Variants in EBF1 observed in about 807,000 individuals in gnomAD.
EBF1 encodes the protein transcription factor COE1.
EBF1 carries 10 observed loss-of-function variants against 68.4 expected under a neutral mutation model. The observed-to-expected ratio is 0.15, with a 90% CI of 0.09 to 0.25. The LOEUF (loss-of-function observed/expected upper bound fraction) is 0.25, where lower values mean the gene tolerates loss of function less well. EBF1 is among the 10% of genes least tolerant of loss of function. The probability of loss-of-function intolerance (pLI) is 1.00; values close to 1 mark genes in which losing one functional copy is unlikely to be tolerated. For synonymous variants in EBF1, 298 were observed against 299.8 expected (o/e 0.99, Z 0.06); for missense variants, 509 against 794.4 (o/e 0.64, Z 4.32).
At chr5:159,055,649 A>G (rs1774604222) in intron 6 of EBF1, among the ~76,000 whole-genome samples, 1 of 152,224 alleles carries the variant, frequency 6.6e-6, no homozygotes, top group Admixed American at 6.5e-5. Flanking sequence ...GAATTAACCT[A>G]CACTAAATCT....
chr5:158,800,368 T>A (rs1298593921), intron 8 of EBF1, among the ~76,000 whole-genome samples: 1 of 152,146 alleles, frequency 6.6e-6, no homozygotes, highest in Non-Finnish European at 1.5e-5. Context: ...TATGTATAAC[T>A]GTCCCCAGCA....
At chr5:158,971,234 G>A (rs1022361878) in intron 6 of EBF1, among the ~76,000 whole-genome samples, 7 of 152,222 alleles carry the variant, frequency 4.6e-5, no homozygotes, top group South Asian at 2.1e-4. Flanking sequence ...TAGAAAGCAC[G>A]TGGATGATGA....
At chr5:158,715,521 G>A (rs1311424997) in intron 11 of EBF1, among the ~76,000 whole-genome samples, 1 of 152,142 alleles carries the variant, frequency 6.6e-6, no homozygotes, top group African/African-American at 2.4e-5. Flanking sequence ...TCAAAAATAA[G>A]ATAGTGGGGT....
At chr5:159,046,077 C>G (rs1367604037) in intron 6 of EBF1, among the ~76,000 whole-genome samples, 1 of 152,156 alleles carries the variant, frequency 6.6e-6, no homozygotes, top group Admixed American at 6.5e-5. Context: ...GAACTGTTCC[C>G]TACAGCTCTC....
chr5:158,717,876 C>T (rs2127505238), intron 11 of EBF1, among the ~76,000 whole-genome samples: 1 of 152,258 alleles, frequency 6.6e-6, no homozygotes, highest in African/African-American at 2.4e-5. Context: ...AACGTGGCTT[C>T]ACCTGTCTTG....
intron 10 of EBF1, among the ~76,000 whole-genome samples, chr5:158,763,971 T>G (rs1772096439): frequency 6.6e-6 from 1 of 152,196 alleles, no homozygotes. Flanking sequence ...AGGCAACTGT[T>G]CTCTTGGATG....
intron 6 of EBF1, among the ~76,000 whole-genome samples, chr5:158,863,846 A>G (rs915136696): frequency 7.2e-5 from 11 of 152,200 alleles, no homozygotes; most frequent in Non-Finnish European, 1.3e-4. Context: ...TACGTAAATG[A>G]TGCCAAAGTC....
intron 6 of EBF1, among the ~76,000 whole-genome samples, chr5:158,982,032 G>A (rs535605366): frequency 6.6e-6 from 1 of 152,138 alleles, no homozygotes; most frequent in Admixed American, 6.5e-5. Flanking sequence ...ACTTGTTTGT[G>A]TTCCCACTAT....
intron 6 of EBF1, among the ~76,000 whole-genome samples, chr5:159,068,783 G>C (rs1777306011): frequency 6.6e-6 from 1 of 152,086 alleles, no homozygotes; most frequent in African/African-American, 2.4e-5. Context: ...TCTAGATGTG[G>C]AAGATCTTTA....
chr5:158,974,482 G>GA (rs1237708128), intron 6 of EBF1, among the ~76,000 whole-genome samples: 2 of 151,988 alleles, frequency 1.3e-5, no homozygotes, highest in African/African-American at 2.4e-5. Flanking sequence ...TTATTGGTGA[G>GA]AAAAAAATCC....
chr5:159,088,065 A>G (rs577622068), intron 4 of EBF1, among the ~76,000 whole-genome samples: 1 of 152,264 alleles, frequency 6.6e-6, no homozygotes, highest in East Asian at 1.9e-4. Context: ...AAAGTAAACT[A>G]AAAACTCAGT....
chr5:158,878,709 T>G (rs865944106), intron 6 of EBF1, among the ~76,000 whole-genome samples: 1 of 150,452 alleles, frequency 6.6e-6, no homozygotes, highest in African/African-American at 2.5e-5. Flanking sequence ...AGTGGAATGA[T>G]CTCAGCTCAC....
intron 8 of EBF1, among the ~76,000 whole-genome samples, chr5:158,822,259 CGG>C (rs1785009064): frequency 3.9e-5 from 5 of 129,642 alleles, no homozygotes; most frequent in Admixed American, 7.3e-5. Context: ...CTTGGATGGA[CGG>C]ATGGACGGAT....
intron 6 of EBF1, among the ~76,000 whole-genome samples, chr5:158,957,083 A>G (rs62385398): frequency 0.045 from 6,888 of 152,168 alleles, 218 homozygotes; most frequent in Non-Finnish European, 0.066. Context: ...CCCAATTACT[A>G]AGAACTCTGT....
rs143902676 is a variant in EBF1, at chr5:158,855,176, A to C, written c.555-15066T>G. Among the ~76,000 whole-genome samples, 821 of 152,348 alleles carry C rather than the reference A, an allele frequency of 5.4e-3. 8 individuals are homozygous for C. The highest frequency in any genetic ancestry group is 0.019 in the African/African-American group (771 of 41,570). ...ATGAGGATAAACTTCCTTGTATCAA[A>C]AACAGGTATTCAAACTTATGCTAAA... is the stretch of plus-strand genomic sequence containing the variant. On this transcript the variant is annotated intron_variant, in intron 6 of 15. Coordinates refer to ENST00000313708, the MANE Select transcript of EBF1 (RefSeq NM_024007.5).
At chr5:158,803,309 G>T (rs1780954787) in intron 8 of EBF1, among the ~76,000 whole-genome samples, 1 of 150,952 alleles carries the variant, frequency 6.6e-6, no homozygotes, top group South Asian at 2.1e-4. Flanking sequence ...TCAGCGCACA[G>T]ATATCTCTTC....
intron 6 of EBF1, among the ~76,000 whole-genome samples, chr5:158,848,736 T>TA (rs1792024827): frequency 6.6e-6 from 1 of 152,216 alleles, no homozygotes; most frequent in South Asian, 2.1e-4. Flanking sequence ...GTTCAGTACA[T>TA]ATGTGTTTAG....
At chr5:159,006,331 T>C (rs67265526) in intron 6 of EBF1, among the ~76,000 whole-genome samples, 47,042 of 151,886 alleles carry the variant, frequency 0.31, 8,180 homozygotes, top group South Asian at 0.57. Flanking sequence ...GAGTATTTAG[T>C]GGGGATGACA....
chr5:158,894,313 G>A (rs1383135251), intron 6 of EBF1, among the ~76,000 whole-genome samples: 3 of 151,930 alleles, frequency 2.0e-5, no homozygotes. Context: ...GCTTGAGTTA[G>A]GGAAGAGGCC....
Sources: allele counts gnomAD v4.1 joint callset (sites outside exome capture counted in the v4.1 genomes callset), GRCh38; gene constraint gnomAD v4.1.1; transcripts MANE v1.5; gene names NCBI Gene and HGNC (gene_info 2026-07-23, HGNC 2026-07-21).